Variants in ATF7IP2 observed in about 807,000 individuals in gnomAD.
ATF7IP2 encodes activating transcription factor 7-interacting protein 2.
ATF7IP2 carries 42 observed loss-of-function variants against 64.2 expected under a neutral mutation model. The observed-to-expected ratio is 0.65, with a 90% CI of 0.51 to 0.85. The LOEUF is 0.85. Among genes scored for constraint, ATF7IP2 ranks in the 40% least tolerant of loss-of-function variants. The pLI is 0.00. For missense variants in ATF7IP2, 933 were observed against 784.2 expected (o/e 1.19, Z -2.27); for synonymous variants, 308 against 272.8 (o/e 1.13, Z -1.27).
At chr16:10,395,614 A>T (rs1295432446) in intron 1 of ATF7IP2, among the ~76,000 whole-genome samples, 1 of 152,222 alleles carries the variant, frequency 6.6e-6, no homozygotes, top group Non-Finnish European at 1.5e-5. Flanking sequence ...TTATTTCAGG[A>T]ATGCAAAATA....
intron 1 of ATF7IP2, among the ~76,000 whole-genome samples, chr16:10,395,728 C>G (rs1402406712): frequency 6.6e-6 from 1 of 152,076 alleles, no homozygotes; most frequent in Non-Finnish European, 1.5e-5. Context: ...GATCCAGTGT[C>G]CCTTCATGAT....
chr16:10,416,404 T>G (rs760675852), intron 2 of ATF7IP2, among the ~76,000 whole-genome samples: 25 of 152,280 alleles, frequency 1.6e-4, no homozygotes, highest in Non-Finnish European at 7.4e-5. Context: ...TTAAAACATT[T>G]GAATTTGTGG....
At position 10,459,447 on chromosome 16, in the gene ATF7IP2, G is replaced by A. The variant is rs533192267; in HGVS notation, c.1352+1918G>A. Among the ~76,000 whole-genome samples the A allele has an allele frequency of 3.8e-4, 56 of 148,110 alleles. 1 individual carries two copies. Among genetic ancestry groups the A allele is most frequent in the East Asian group, 1.0e-3 (5 of 5,010 alleles). ...CACACCACTGTGCTCCAGCCTGGGC[G>A]ACAGAGCGAGACTCCATCTCAAAAA... On this transcript the variant is annotated intron_variant, in intron 9 of 13. Transcript: ENST00000562102.
chr16:10,458,840 T>C (rs998665955), intron 9 of ATF7IP2, among the ~76,000 whole-genome samples: 1 of 152,206 alleles, frequency 6.6e-6, no homozygotes, highest in African/African-American at 2.4e-5. Flanking sequence ...CCAAGTTTAA[T>C]AGTCTACAAA....
chr16:10,465,027 G>C (rs183852260), intron 9 of ATF7IP2, among the ~76,000 whole-genome samples: 1 of 152,088 alleles, frequency 6.6e-6, no homozygotes, highest in Non-Finnish European at 1.5e-5. Flanking sequence ...AAGGGGTTTC[G>C]CCATGTTAGT....
intron 1 of ATF7IP2, among the ~76,000 whole-genome samples, chr16:10,411,186 T>C (rs1335997514): frequency 2.0e-5 from 3 of 152,152 alleles, no homozygotes; most frequent in African/African-American, 7.2e-5. Flanking sequence ...GTTTTGATTA[T>C]GTCCTTTGCT....
intron 3 of ATF7IP2, among the ~76,000 whole-genome samples, chr16:10,421,064 G>A (rs576307295): frequency 6.6e-5 from 10 of 152,336 alleles, no homozygotes; most frequent in African/African-American, 2.4e-4. Flanking sequence ...TGCCAAGTAA[G>A]ACTATTTATA....
chr16:10,396,987 T>C (rs78507278), intron 1 of ATF7IP2, among the ~76,000 whole-genome samples: 1 of 152,086 alleles, frequency 6.6e-6, no homozygotes, highest in Non-Finnish European at 1.5e-5. Context: ...TTTGTAGTAA[T>C]GCATTTAAAG....
intron 9 of ATF7IP2, among the ~76,000 whole-genome samples, chr16:10,471,194 C>G (rs1462401602): frequency 6.6e-6 from 1 of 152,056 alleles, no homozygotes; most frequent in Non-Finnish European, 1.5e-5. Context: ...GATCATACAC[C>G]TAAGTACAAA....
intron 9 of ATF7IP2, among the ~76,000 whole-genome samples, chr16:10,461,586 C>G (rs2049377020): frequency 6.6e-6 from 1 of 152,032 alleles, no homozygotes; most frequent in Non-Finnish European, 1.5e-5. Context: ...AAAGCAGACA[C>G]AAAAGACTCA....
chr16:10,440,450 T>C lies in ATF7IP2; in HGVS notation c.1182T>C (p.Asn394=). The C allele has an allele frequency of 2.0e-6, 3 of 1,537,928 alleles. No homozygotes were observed. Among genetic ancestry groups the C allele is most frequent in the Middle Eastern group, 1.7e-4 (1 of 5,886 alleles). ...TGAAACCAAACATGTTATCCAGTAA[T>C]GGAGCCTCTAAGGTTTGTATAAACA... ...NCLKPNMLSS[N]GASKVANSEA... is the part of the protein sequence containing the mutation. Residue 394 remains asparagine (N), a synonymous_variant, in exon 8 of 14, where the codon AAT becomes AAC. Transcript: ENST00000562102.
intron 1 of ATF7IP2, chr16:10,387,373 C>T (rs1378746380): frequency 3.9e-5 from 6 of 152,266 alleles, no homozygotes; most frequent in Non-Finnish European, 8.8e-5. Flanking sequence ...TTACTTCACT[C>T]TCAGTCTTAT....
At chr16:10,427,314 A>T (rs1044861021) in intron 3 of ATF7IP2, among the ~76,000 whole-genome samples, 12 of 152,218 alleles carry the variant, frequency 7.9e-5, no homozygotes, top group African/African-American at 2.7e-4. Flanking sequence ...CCAAATTAAG[A>T]CAATGAGAGC....
At chr16:10,411,048 A>T (rs1159820713) in intron 1 of ATF7IP2, among the ~76,000 whole-genome samples, 1 of 152,024 alleles carries the variant, frequency 6.6e-6, no homozygotes, top group Non-Finnish European at 1.5e-5. Context: ...CCACCCCTGT[A>T]TTTCTGGTAT....
At chr16:10,391,337 C>G (rs1018901942) in intron 1 of ATF7IP2, among the ~76,000 whole-genome samples, 8 of 151,886 alleles carry the variant, frequency 5.3e-5, no homozygotes, top group Non-Finnish European at 1.0e-4. Flanking sequence ...GGGAGAATCA[C>G]TTGAACCCAG....
chr16:10,482,311 T>A lies in ATF7IP2; in HGVS notation c.*62T>A. ...TATTTGTTTGTTTGCAATGTTACTG[T>A]AATACTATTTGCCATTGTAAAAGGC... On this transcript the variant is annotated 3_prime_UTR_variant, in exon 14 of 14. Coordinates refer to ENST00000562102, the MANE Select transcript of ATF7IP2 (RefSeq NM_001393719.1). The A allele has an allele frequency of 7.8e-7, 1 of 1,280,178 alleles. No homozygotes were observed. The highest frequency in any genetic ancestry group is 1.1e-6 in the Non-Finnish European group (1 of 923,130). 79.3% of individuals were successfully genotyped at this position (1,280,178 alleles called of 1,614,324 possible). A position where few individuals can be genotyped will look rare whatever the true frequency, so the allele number is the denominator to read the frequency against.
chr16:10,453,848 C>G (rs913910492), intron 8 of ATF7IP2, among the ~76,000 whole-genome samples: 1 of 152,062 alleles, frequency 6.6e-6, no homozygotes, highest in African/African-American at 2.4e-5. Flanking sequence ...AACTCCCGAC[C>G]TCATGTGATC....
Position 10,431,295 on chromosome 16 carries a change from T to A in ATF7IP2, c.675T>A (p.Gly225=). Residue 225 remains glycine (G), a synonymous_variant, in exon 5 of 14, where the codon GGT becomes GGA. Coordinates refer to ENST00000562102, the MANE Select transcript of ATF7IP2 (RefSeq NM_001393719.1). ...SDNILCSEDS[G]FVPVEKTPNL... ...ACATTTTATGTTCAGAAGACTCAGGTTTTGTGCCTGTTGAGAAAACACCTA... is the reference window on the plus strand; with the variant it reads ...ACATTTTATGTTCAGAAGACTCAGGATTTGTGCCTGTTGAGAAAACACCTA... The A allele has an allele frequency of 6.2e-7, 1 of 1,614,152 alleles. No individual in the cohort carries two copies. The highest frequency in any genetic ancestry group is 8.5e-7 in the Non-Finnish European group (1 of 1,180,026).
At chr16:10,467,590 A>G (rs886198683) in intron 9 of ATF7IP2, among the ~76,000 whole-genome samples, 9 of 143,208 alleles carry the variant, frequency 6.3e-5, no homozygotes, top group Non-Finnish European at 9.1e-5. Flanking sequence ...TTTTTTTTTG[A>G]GATGGATTTT....
Sources: gnomAD v4.1 joint callset for allele counts (sites outside exome capture counted in the v4.1 genomes callset) on GRCh38, gnomAD v4.1.1 for gene constraint, MANE v1.5 for transcripts, NCBI Gene and HGNC (gene_info 2026-07-23, HGNC 2026-07-21) for gene names.